Variants in EYS observed in about 807,000 individuals in gnomAD.
EYS encodes protein eyes shut homolog.
A neutral mutation model predicts 282.1 loss-of-function variants in EYS; 250 were observed. The observed-to-expected ratio is 0.89, with a 90% CI of 0.80 to 0.98. EYS has a LOEUF of 0.98. Among genes scored for constraint, EYS ranks in the 50% least tolerant of loss-of-function variants. The pLI, the probability that EYS is intolerant of heterozygous loss-of-function variation, is 0.00. For synonymous variants in EYS, 1,355 were observed against 1,282.9 expected (o/e 1.06, Z -1.20); for missense variants, 4,016 against 3,709.0 (o/e 1.08, Z -2.15).
chr6:64,479,549 C>T (rs1387910279), intron 26 of EYS, among the ~76,000 whole-genome samples: 1 of 151,962 alleles, frequency 6.6e-6, no homozygotes, highest in Non-Finnish European at 1.5e-5. Flanking sequence ...ACTATAAATG[C>T]TTGGCTGTTT....
Position 63,847,216 on chromosome 6 carries a change from T to C in EYS, c.7228+16970A>G, listed in dbSNP as rs189648807. Among the ~76,000 whole-genome samples the C allele has an allele frequency of 1.2e-3, 181 of 152,354 alleles. 1 individual carries two copies. Among genetic ancestry groups the C allele is most frequent in the Middle Eastern group, 3.4e-3 (1 of 294 alleles). ...CCACTTATCCTTACCTTTGGACTTA[T>C]ATTTTGTTTTTCAGTTAAACAAAGG... On this transcript the variant is annotated intron_variant, in intron 36 of 42. Transcript: ENST00000503581.
At chr6:65,448,347 T>A (rs1764273744) in intron 5 of EYS, among the ~76,000 whole-genome samples, 1 of 152,032 alleles carries the variant, frequency 6.6e-6, no homozygotes, top group African/African-American at 2.4e-5. Context: ...TGTATTATGC[T>A]TTATAATTTT....
intron 2 of EYS, among the ~76,000 whole-genome samples, chr6:65,553,584 TA>T (rs1443725786): frequency 6.6e-6 from 1 of 152,172 alleles, no homozygotes; most frequent in African/African-American, 2.4e-5. Context: ...TTGTTATTGT[TA>T]ATTTGATGAA....
Position 63,840,356 on chromosome 6 carries a change from G to A in EYS, c.7228+23830C>T, listed in dbSNP as rs567342796. Among the ~76,000 whole-genome samples, 33 of 151,788 alleles carry A rather than the reference G, an allele frequency of 2.2e-4. 1 individual carries two copies. Among genetic ancestry groups the A allele is most frequent in the East Asian group, 1.7e-3 (9 of 5,154 alleles). ...TGGGATTACAGGCATGAGCCACCAC[G>A]CCCAGCCCCATTTCTTAATTGGATT... On this transcript the variant is annotated intron_variant, in intron 36 of 42. Transcript: ENST00000503581.
At chr6:63,906,793 T>C (rs768685989) in intron 35 of EYS, among the ~76,000 whole-genome samples, 11 of 152,114 alleles carry the variant, frequency 7.2e-5, no homozygotes, top group Non-Finnish European at 1.5e-4. Flanking sequence ...GTGAAAACTG[T>C]TTCTTGCTTT....
At chr6:64,141,877 TC>T (rs1270198642) in intron 31 of EYS, among the ~76,000 whole-genome samples, 7 of 152,158 alleles carry the variant, frequency 4.6e-5, no homozygotes, top group African/African-American at 1.7e-4. Context: ...TCCAGTACAC[TC>T]TCTCCCCCAC....
intron 30 of EYS, among the ~76,000 whole-genome samples, chr6:64,286,333 C>G (rs1922955): frequency 0.72 from 108,858 of 152,040 alleles, 39,152 homozygotes; most frequent in African/African-American, 0.79. Flanking sequence ...TTCCTCTAAC[C>G]AATAGGCAGT....
intron 12 of EYS, among the ~76,000 whole-genome samples, chr6:65,172,540 T>G (rs1258337425): frequency 1.3e-5 from 2 of 151,354 alleles, no homozygotes; most frequent in African/African-American, 4.8e-5. Flanking sequence ...GCTGTTACTG[T>G]TTTTCTTAAA....
intron 29 of EYS, among the ~76,000 whole-genome samples, chr6:64,363,456 G>GT (rs1387856389): frequency 1.3e-5 from 2 of 151,758 alleles, no homozygotes; most frequent in Non-Finnish European, 2.9e-5. Context: ...TCTTGATCAC[G>GT]TTTTTCCCCT....
chr6:65,443,140 T>C (rs954823764), intron 5 of EYS, among the ~76,000 whole-genome samples: 4 of 151,736 alleles, frequency 2.6e-5, no homozygotes, highest in South Asian at 2.1e-4. Context: ...ATCATACATA[T>C]ATGTACACAT....
At chr6:64,178,781 C>A (rs1016232224) in intron 31 of EYS, among the ~76,000 whole-genome samples, 1 of 151,974 alleles carries the variant, frequency 6.6e-6, no homozygotes. Context: ...AATATATAAT[C>A]CCTTACTCCT....
chr6:64,742,221 A>G (rs1056671649), intron 22 of EYS, among the ~76,000 whole-genome samples: 2 of 152,132 alleles, frequency 1.3e-5, no homozygotes, highest in Non-Finnish European at 2.9e-5. Context: ...GAGAGGAGAG[A>G]GCTAAAGAAG....
chr6:64,333,554 C>A (rs1009467211), intron 29 of EYS, among the ~76,000 whole-genome samples: 6 of 152,074 alleles, frequency 3.9e-5, no homozygotes, highest in Non-Finnish European at 8.8e-5. Context: ...ATAGGGTGCA[C>A]AACTGGAACA....
chr6:63,957,126 T>TGCAAGGTGAAGCAGC (rs1349206021), intron 35 of EYS, among the ~76,000 whole-genome samples: 2 of 96,166 alleles, frequency 2.1e-5, no homozygotes, highest in Admixed American at 1.4e-4. Context: ...GAAGCTTATG[T>TGCAAGGTGAAGCAGC]AAGACAATAT....
chr6:63,854,708 T>C (rs1394356629), intron 36 of EYS, among the ~76,000 whole-genome samples: 1 of 152,180 alleles, frequency 6.6e-6, no homozygotes, highest in Non-Finnish European at 1.5e-5. Context: ...ATATAATATA[T>C]GCTAAATCCC....
intron 12 of EYS, among the ~76,000 whole-genome samples, chr6:65,200,534 A>G (rs189680474): frequency 6.6e-6 from 1 of 151,792 alleles, no homozygotes; most frequent in Non-Finnish European, 1.5e-5. Context: ...GGGACTTGTC[A>G]GAGAGACAAA....
At chr6:64,967,909 C>A (rs1285323089) in intron 14 of EYS, among the ~76,000 whole-genome samples, 1 of 152,098 alleles carries the variant, frequency 6.6e-6, no homozygotes, top group Non-Finnish European at 1.5e-5. Context: ...ACCACTCTAT[C>A]CCCTCAACAT....
At chr6:65,618,548 T>C (rs1766318836) in intron 2 of EYS, among the ~76,000 whole-genome samples, 1 of 152,232 alleles carries the variant, frequency 6.6e-6, no homozygotes, top group Non-Finnish European at 1.5e-5. Flanking sequence ...GCAGAAGCTC[T>C]TTAGTTTAAT....
In EYS at chr6:65,068,829, T is replaced by G. The variant is rs926450333; in HGVS notation, c.2024-11102A>C. Among the ~76,000 whole-genome samples the G allele has an allele frequency of 3.3e-5, 5 of 152,116 alleles. No homozygotes were observed. The East Asian group carries it at 9.6e-4, about 29-fold the overall frequency. ...ATTGTTTGCTTATGTTCAACTCTAC[T>G]CATAAGCCATGCTCTGCAGTATCTG... On this transcript the variant is annotated intron_variant, in intron 12 of 42. Coordinates refer to ENST00000503581, the MANE Select transcript of EYS (RefSeq NM_001142800.2).
Sources: gnomAD v4.1 joint callset for allele counts (sites outside exome capture counted in the v4.1 genomes callset) on GRCh38, gnomAD v4.1.1 for gene constraint, MANE v1.5 for transcripts, NCBI Gene and HGNC (gene_info 2026-07-23, HGNC 2026-07-21) for gene names.